PDZRN4: variants seen among roughly 807,000 people sequenced by gnomAD.
PDZRN4 encodes PDZ domain-containing RING finger protein 4.
A neutral mutation model predicts 99.0 loss-of-function variants in PDZRN4; 70 were observed. The ratio of observed to expected loss-of-function variants is 0.71; its 90% CI spans 0.58 to 0.86. The LOEUF is 0.86. Among genes scored for constraint, PDZRN4 ranks in the 40% least tolerant of loss-of-function variants. The pLI is 0.00. For missense variants in PDZRN4, 1,474 were observed against 1,331.2 expected, an observed-to-expected ratio of 1.11 and a Z score of -1.67; for synonymous variants, 551 against 501.6, an observed-to-expected ratio of 1.10 and a Z score of -1.32.
At chr12:41,536,108 T>C (rs1938744579) in intron 5 of PDZRN4, among the ~76,000 whole-genome samples, 1 of 152,198 alleles carries the variant, frequency 6.6e-6, no homozygotes, top group Non-Finnish European at 1.5e-5. Context: ...ACATTGAGGC[T>C]GAGGTTCACT....
intron 3 of PDZRN4, among the ~76,000 whole-genome samples, chr12:41,461,379 G>A (rs1353998342): frequency 6.6e-6 from 1 of 152,040 alleles, no homozygotes; most frequent in Non-Finnish European, 1.5e-5. Context: ...TCTCCACTCT[G>A]GGACCAAAAA....
intron 3 of PDZRN4, among the ~76,000 whole-genome samples, chr12:41,365,854 T>C (rs997479660): frequency 1.3e-5 from 2 of 152,152 alleles, no homozygotes; most frequent in Admixed American, 1.3e-4. Flanking sequence ...AATTGATGAA[T>C]GACCAGCTTG....
intron 3 of PDZRN4, among the ~76,000 whole-genome samples, chr12:41,340,227 A>C (rs1189108896): frequency 1.4e-4 from 22 of 152,082 alleles, no homozygotes; most frequent in Admixed American, 1.4e-3. Flanking sequence ...CATGTATAGA[A>C]TAGAGAACGA....
At chr12:41,572,111 A>T (rs982859591) in intron 9 of PDZRN4, among the ~76,000 whole-genome samples, 1 of 152,188 alleles carries the variant, frequency 6.6e-6, no homozygotes, top group African/African-American at 2.4e-5. Flanking sequence ...ATTTGAATGC[A>T]TTCTGTCTTA....
intron 5 of PDZRN4, among the ~76,000 whole-genome samples, chr12:41,545,300 G>A (rs999279232): frequency 6.6e-6 from 1 of 152,170 alleles, no homozygotes; most frequent in Non-Finnish European, 1.5e-5. Context: ...ACTACGTAAA[G>A]TTCCTCTAAC....
intron 3 of PDZRN4, among the ~76,000 whole-genome samples, chr12:41,237,489 TGG>T (rs1951075133): frequency 1.3e-5 from 2 of 152,186 alleles, no homozygotes; most frequent in Admixed American, 1.3e-4. Context: ...TTGTAATGTA[TGG>T]TAAAATAATC....
chr12:41,517,239 G>A (rs1249805902), intron 5 of PDZRN4, among the ~76,000 whole-genome samples: 1 of 151,916 alleles, frequency 6.6e-6, no homozygotes, highest in East Asian at 1.9e-4. Context: ...GTAAGCATGG[G>A]CACATTTATT....
chr12:41,468,241 A>C (rs1952948646), intron 3 of PDZRN4, among the ~76,000 whole-genome samples: 1 of 152,228 alleles, frequency 6.6e-6, no homozygotes, highest in South Asian at 2.1e-4. Flanking sequence ...TTGAATATTT[A>C]GAATGACCTC....
At chr12:41,303,477 A>G (rs1009644139) in intron 3 of PDZRN4, among the ~76,000 whole-genome samples, 1 of 152,214 alleles carries the variant, frequency 6.6e-6, no homozygotes, top group Admixed American at 6.5e-5. Flanking sequence ...ACATCTAATT[A>G]TAAAAGATGA....
Position 41,272,285 on chromosome 12 carries a change from T to C in PDZRN4, c.843+78097T>C, listed in dbSNP as rs192222112. ...TGTGGTGAATCAGCCTAAAGTCAAC[T>C]GGTAAAAATATTGTTTTCTTTGGTT... On this transcript the variant is annotated intron_variant, in intron 3 of 9. Transcript: ENST00000402685. Among the ~76,000 whole-genome samples, 67 of 152,226 alleles carry C rather than the reference T, an allele frequency of 4.4e-4. 1 individual carries two copies. Among genetic ancestry groups the C allele is most frequent in the Admixed American group, 2.4e-3 (36 of 15,270 alleles).
intron 9 of PDZRN4, among the ~76,000 whole-genome samples, chr12:41,568,952 C>A (rs1342582440): frequency 5.7e-5 from 8 of 140,096 alleles, no homozygotes; most frequent in South Asian, 2.3e-4. Context: ...TTACAGATGC[C>A]CACCACCATG....
chr12:41,401,876 G>A (rs899274875), intron 3 of PDZRN4, among the ~76,000 whole-genome samples: 1 of 151,240 alleles, frequency 6.6e-6, no homozygotes, highest in Non-Finnish European at 1.5e-5. Context: ...CCCCCTCTTC[G>A]TTGTGTGAAG....
intron 5 of PDZRN4, among the ~76,000 whole-genome samples, chr12:41,525,368 A>G (rs533653827): frequency 5.3e-4 from 80 of 152,328 alleles, no homozygotes; most frequent in African/African-American, 1.9e-3. Flanking sequence ...TACTTGTGAG[A>G]CGTCTCTGAC....
chr12:41,548,681 C>G (rs1565612071), intron 5 of PDZRN4, among the ~76,000 whole-genome samples: 2 of 152,218 alleles, frequency 1.3e-5, no homozygotes, highest in East Asian at 3.9e-4. Flanking sequence ...GCTTAAAAAG[C>G]CAATGCTTTT....
At chr12:41,558,412 C>T (rs1167781866) in intron 7 of PDZRN4, among the ~76,000 whole-genome samples, 2 of 152,164 alleles carry the variant, frequency 1.3e-5, no homozygotes, top group African/African-American at 4.8e-5. Flanking sequence ...TACTTCATAT[C>T]CCATACCTCC....
chr12:41,354,306 AACATATAGACC>A (rs1276679863), intron 3 of PDZRN4, among the ~76,000 whole-genome samples: 3 of 152,080 alleles, frequency 2.0e-5, no homozygotes, highest in Non-Finnish European at 4.4e-5. Flanking sequence ...CCTGAGGGCT[AACATATAGACC>A]ACACATGGAT....
chr12:41,272,328 A>G, intron 3 of PDZRN4, among the ~76,000 whole-genome samples: 1 of 152,120 alleles, frequency 6.6e-6, no homozygotes, highest in East Asian at 1.9e-4. Context: ...TTTCTAACTC[A>G]GTTGAGACAT....
chr12:41,381,000 T>C (rs1262662882), intron 3 of PDZRN4, among the ~76,000 whole-genome samples: 2 of 152,164 alleles, frequency 1.3e-5, no homozygotes, highest in African/African-American at 4.8e-5. Flanking sequence ...ATGTATAGTA[T>C]GGTTGACTGG....
intron 3 of PDZRN4, among the ~76,000 whole-genome samples, chr12:41,371,058 T>C (rs1952038089): frequency 6.6e-6 from 1 of 150,878 alleles, no homozygotes; most frequent in Non-Finnish European, 1.5e-5. Flanking sequence ...TCTCTCCATG[T>C]ATATTTACAG....
Sources: gnomAD v4.1 joint callset for allele counts (sites outside exome capture counted in the v4.1 genomes callset) on GRCh38, gnomAD v4.1.1 for gene constraint, MANE v1.5 for transcripts, NCBI Gene and HGNC (gene_info 2026-07-23, HGNC 2026-07-21) for gene names.